The following GRID1 variants were observed in gnomAD, a reference collection of about 807,000 sequenced individuals.
GRID1 encodes glutamate receptor ionotropic, delta-1.
Under a neutral mutation model 98.0 loss-of-function variants are expected in GRID1, and 28 were observed. The observed-to-expected ratio is 0.29, with a 90% CI of 0.21 to 0.39. The LOEUF (loss-of-function observed/expected upper bound fraction) is 0.39. GRID1 is among the 10% of genes least tolerant of loss of function. The probability of loss-of-function intolerance (pLI) is 1.00; values close to 1 mark genes in which losing one functional copy is unlikely to be tolerated. For synonymous variants in GRID1, 553 were observed against 538.5 expected, an observed-to-expected ratio of 1.03 and a Z score of -0.37; for missense variants, 1,111 against 1,340.5, an observed-to-expected ratio of 0.83 and a Z score of 2.67.
chr10:85,828,828 C>G (rs185011659), intron 8 of GRID1, among the ~76,000 whole-genome samples: 3 of 152,158 alleles, frequency 2.0e-5, no homozygotes, highest in Admixed American at 2.0e-4. Flanking sequence ...AGCCTACCAA[C>G]CAGAAAAAGC....
chr10:86,254,140 C>T (rs1251749547), intron 2 of GRID1, among the ~76,000 whole-genome samples: 1 of 152,164 alleles, frequency 6.6e-6, no homozygotes, highest in Non-Finnish European at 1.5e-5. Context: ...AACACCTTTC[C>T]TTAGCACAGG....
chr10:86,333,554 C>G (rs899677879), intron 2 of GRID1, among the ~76,000 whole-genome samples: 1 of 152,132 alleles, frequency 6.6e-6, no homozygotes, highest in Non-Finnish European at 1.5e-5. Context: ...GAGGTTGGGG[C>G]GCTGACCCCT....
intron 6 of GRID1, among the ~76,000 whole-genome samples, chr10:85,861,597 G>A (rs1252181751): frequency 1.3e-5 from 2 of 152,264 alleles, no homozygotes; most frequent in Non-Finnish European, 2.9e-5. Context: ...GAGGGAGACA[G>A]TGTGGCCTGC....
chr10:85,927,587 C>T (rs1044219874), intron 4 of GRID1, among the ~76,000 whole-genome samples: 1 of 151,630 alleles, frequency 6.6e-6, no homozygotes, highest in Non-Finnish European at 1.5e-5. Context: ...ACAAAGCATA[C>T]TAAACAAACA....
chr10:85,715,682 T>C (rs1841630361), intron 12 of GRID1, among the ~76,000 whole-genome samples: 1 of 152,104 alleles, frequency 6.6e-6, no homozygotes, highest in Non-Finnish European at 1.5e-5. Flanking sequence ...CCTGTTAGAA[T>C]GGCTATGATA....
chr10:85,868,951 C>T, intron 6 of GRID1, 59 bp downstream of exon 6: 2 of 1,487,616 alleles, frequency 1.3e-6, no homozygotes, highest in Non-Finnish European at 9.3e-7. Flanking sequence ...CTCCCTTGGC[C>T]AAGGGTGTGG....
At chr10:86,144,859 G>A (rs1845062701) in intron 3 of GRID1, among the ~76,000 whole-genome samples, 1 of 152,146 alleles carries the variant, frequency 6.6e-6, no homozygotes, top group African/African-American at 2.4e-5. Context: ...CCCACATCCT[G>A]GACTGGCGGA....
rs147829490 is a variant in GRID1 at position 86,183,020 on chromosome 10, G to A, written c.520+23344C>T. On this transcript the variant is annotated intron_variant, in intron 3 of 15. Transcript: ENST00000327946. ...TACAATAAACTGCATGTATTAAAAT[G>A]TAAATTTTTAATGCATTTTTGACAC... Among the ~76,000 whole-genome samples, 281 of 152,272 alleles carry A rather than the reference G, an allele frequency of 1.8e-3. 3 individuals are homozygous for A. The highest frequency in any genetic ancestry group is 6.3e-3 in the African/African-American group (263 of 41,560).
intron 4 of GRID1, among the ~76,000 whole-genome samples, chr10:86,019,059 C>T (rs1843015957): frequency 6.6e-6 from 1 of 152,206 alleles, no homozygotes; most frequent in Non-Finnish European, 1.5e-5. Flanking sequence ...CCCAGTGCCT[C>T]TTATAGGACA....
Position 86,206,374 on chromosome 10 carries a change from G to A in GRID1, c.510C>T (p.Asp170=). The A allele has an allele frequency of 6.2e-7, 1 of 1,602,720 alleles. No individual in the cohort carries two copies. Among genetic ancestry groups the A allele is most frequent in the Non-Finnish European group, 8.5e-7 (1 of 1,171,970 alleles). The change falls in exon 3 of 16, where the codon GAC becomes GAT. Residue 170 remains aspartate, a synonymous_variant. Coordinates refer to ENST00000327946, the MANE Select transcript of GRID1 (RefSeq NM_017551.3). This position sits in a 1 kb window ranked among gnomAD's most constrained non-coding sequence, Gnocchi z 4.1. ...LRWQKFVMFY[D]SEYDIRGLQS... ...TGCCGGACAACTCACCATACTCGCTGTCGTAGAACATGACGAACTTCTGCC... is the reference window on the plus strand; with the variant it reads ...TGCCGGACAACTCACCATACTCGCTATCGTAGAACATGACGAACTTCTGCC...
At chr10:86,177,776 G>A (rs1236941557) in intron 3 of GRID1, among the ~76,000 whole-genome samples, 1 of 152,170 alleles carries the variant, frequency 6.6e-6, no homozygotes, top group Non-Finnish European at 1.5e-5. Flanking sequence ...GCCTGTGTGT[G>A]CATGCATTAC....
chr10:86,067,310 C>G (rs1343137204), intron 4 of GRID1, among the ~76,000 whole-genome samples: 1 of 152,188 alleles, frequency 6.6e-6, no homozygotes, highest in Non-Finnish European at 1.5e-5. Context: ...CAATTTGGAA[C>G]TGATCCTGAG....
At chr10:86,347,242 C>A (rs559576540) in intron 2 of GRID1, among the ~76,000 whole-genome samples, 3 of 152,288 alleles carry the variant, frequency 2.0e-5, no homozygotes, top group African/African-American at 7.2e-5. Context: ...AGTCCAATCC[C>A]CCCTTAACGT....
chr10:85,723,257 C>A (rs1428638224), intron 11 of GRID1, 116 bp from the exon 12 acceptor site: 1 of 1,003,376 alleles, frequency 1.0e-6, no homozygotes, highest in East Asian at 2.9e-5. Context: ...TGGGCTGGAA[C>A]CAGGGAGGTG....
intron 5 of GRID1, among the ~76,000 whole-genome samples, chr10:85,889,934 C>T (rs973089772): frequency 7.9e-5 from 12 of 152,046 alleles, no homozygotes; most frequent in African/African-American, 2.9e-4. Flanking sequence ...ACATAATGCA[C>T]ATATTCGGGG....
intron 4 of GRID1, among the ~76,000 whole-genome samples, chr10:85,983,506 G>C (rs1842571009): frequency 6.6e-6 from 1 of 152,200 alleles, no homozygotes; most frequent in Non-Finnish European, 1.5e-5. Flanking sequence ...CCTTTAAGAT[G>C]AACAGGGTGG....
chr10:86,126,035 T>C (rs758932110), intron 4 of GRID1, among the ~76,000 whole-genome samples: 11 of 152,086 alleles, frequency 7.2e-5, no homozygotes, highest in Admixed American at 1.3e-4. Flanking sequence ...GTTCCCCTAA[T>C]CTCCACATTG....
At position 85,769,026 on chromosome 10, in the gene GRID1, T is replaced by C. The variant is rs117928166; in HGVS notation, c.1234-39412A>G. Among the ~76,000 whole-genome samples the C allele has an allele frequency of 9.1e-3, 1,388 of 152,330 alleles. 9 individuals are homozygous for C. Among genetic ancestry groups the C allele is most frequent in the South Asian group, 0.015 (74 of 4,830 alleles). On this transcript the variant is annotated intron_variant, in intron 8 of 15. Transcript: ENST00000327946. ...GGTGTTGGTAAAATAAATCATGCTC[T>C]ATTCACTCAAAGGAAAGTATTGTAC...
intron 3 of GRID1, among the ~76,000 whole-genome samples, chr10:86,156,656 A>G (rs184943398): frequency 6.6e-6 from 1 of 152,326 alleles, no homozygotes; most frequent in Admixed American, 6.5e-5. Flanking sequence ...AGAGAACCAC[A>G]AGAGCAAAAG....
Sources: gnomAD v4.1 joint callset for allele counts (sites outside exome capture counted in the v4.1 genomes callset) on GRCh38, gnomAD v4.1.1 for gene constraint, Gnocchi (gnomAD v3.1) non-coding constraint, MANE v1.5 for transcripts, NCBI Gene and HGNC (gene_info 2026-07-23, HGNC 2026-07-21) for gene names.